The following JPH1 variants were observed in gnomAD, a reference collection of about 807,000 sequenced individuals.
The protein encoded by JPH1 is junctophilin-1.
In JPH1, 12 loss-of-function variants were observed where a neutral mutation model predicts 53.6. That is an observed-to-expected ratio of 0.22 (90% CI 0.14 to 0.36). JPH1 has a LOEUF of 0.36. Among genes scored for constraint, JPH1 ranks in the 10% least tolerant of loss-of-function variants. The pLI, the probability that JPH1 is intolerant of heterozygous loss-of-function variation, is 1.00. For synonymous variants in JPH1, 375 were observed against 363.8 expected, an observed-to-expected ratio of 1.03 and a Z score of -0.35; for missense variants, 808 against 905.5, an observed-to-expected ratio of 0.89 and a Z score of 1.38.
intron 2 of JPH1, among the ~76,000 whole-genome samples, chr8:74,301,930 G>T (rs1807694397): frequency 6.6e-6 from 1 of 152,072 alleles, no homozygotes; most frequent in Non-Finnish European, 1.5e-5. Flanking sequence ...CAGGGTACAT[G>T]GGTTCAAAAA....
At chr8:74,237,166 T>C in intron 5 of JPH1, 42 bp downstream of exon 5, 1 of 1,282,420 alleles carries the variant, frequency 7.8e-7, no homozygotes, top group Non-Finnish European at 1.1e-6. Flanking sequence ...GAAAAGAATG[T>C]TATTTACTAT....
intron 2 of JPH1, among the ~76,000 whole-genome samples, chr8:74,275,366 T>C (rs1418463893): frequency 6.6e-6 from 1 of 152,136 alleles, no homozygotes; most frequent in Non-Finnish European, 1.5e-5. Context: ...AATTACGCTT[T>C]GAATATCATG....
chr8:74,315,756 T>C lies in JPH1; in HGVS notation c.380-136A>G. 3 of 801,828 alleles carry C rather than the reference T, an allele frequency of 3.7e-6. No individual in the cohort carries two copies. Among genetic ancestry groups the C allele is most frequent in the Non-Finnish European group, 5.5e-6 (3 of 545,684 alleles). 49.7% of individuals were successfully genotyped at this position (801,828 alleles called of 1,614,324 possible). ...TCCAAGTCAACCCTGGGGGATACTT[T>C]GCATCCACTTGTGAATCCCCGCCCT... On this transcript the variant is annotated intron_variant, in intron 1 of 5. Coordinates refer to ENST00000342232, the MANE Select transcript of JPH1 (RefSeq NM_020647.4). The surrounding 1 kb of genome is among the most constrained non-coding windows in gnomAD (Gnocchi z 6.3).
At chr8:74,242,630 A>G (rs1045995148) in intron 4 of JPH1, among the ~76,000 whole-genome samples, 1 of 152,206 alleles carries the variant, frequency 6.6e-6, no homozygotes, top group African/African-American at 2.4e-5. Context: ...AACTCTGAGG[A>G]GTGGGGACGG....
chr8:74,279,978 T>C (rs1806962651), intron 2 of JPH1, among the ~76,000 whole-genome samples: 2 of 152,326 alleles, frequency 1.3e-5, no homozygotes, highest in South Asian at 4.1e-4. Flanking sequence ...AGTCTTCATA[T>C]TAAATTTGAA....
intron 2 of JPH1, among the ~76,000 whole-genome samples, chr8:74,295,265 T>C (rs528776313): frequency 6.6e-6 from 1 of 152,270 alleles, no homozygotes; most frequent in African/African-American, 2.4e-5. Context: ...CATGTATACA[T>C]TGATGATATA....
chr8:74,269,282 C>T (rs571066511), intron 2 of JPH1, among the ~76,000 whole-genome samples: 33 of 152,296 alleles, frequency 2.2e-4, no homozygotes, highest in African/African-American at 6.5e-4. Flanking sequence ...AAGGTCTATC[C>T]TTTCCAAGGT....
rs528356014 is a variant in JPH1, at chr8:74,303,744, C to T, written c.1139+11117G>A. ...GATTAAAGACGTGAGCCACTGTGCC[C>T]AGCCTGTGACTATTTAATCTGTCTC... On this transcript the variant is annotated intron_variant, in intron 2 of 5. Coordinates refer to ENST00000342232, the MANE Select transcript of JPH1 (RefSeq NM_020647.4). Among the ~76,000 whole-genome samples, 19 of 152,246 alleles carry T rather than the reference C, an allele frequency of 1.2e-4. No individual in the cohort carries two copies. In the South Asian group the frequency reaches 3.9e-3, roughly 32 times the overall value.
intron 2 of JPH1, among the ~76,000 whole-genome samples, chr8:74,290,645 G>A (rs1230103208): frequency 1.3e-5 from 2 of 152,092 alleles, no homozygotes; most frequent in African/African-American, 2.4e-5. Flanking sequence ...AAGTTCATAT[G>A]GAACCAAAAA....
rs533586464 is a variant in JPH1 at position 74,258,166 on chromosome 8, G to A, written c.1258+1219C>T. Among the ~76,000 whole-genome samples, 12 of 152,292 alleles carry A rather than the reference G, an allele frequency of 7.9e-5. No individual in the cohort carries two copies. The South Asian group carries it at 2.5e-3, about 32-fold the overall frequency. ...GAATCGAACACCTACCTCATGCAGG[G>A]TGCTGGGCTAGGGACAGGATGCTAG... On this transcript the variant is annotated intron_variant, in intron 3 of 5. Coordinates refer to ENST00000342232, the MANE Select transcript of JPH1 (RefSeq NM_020647.4).
rs183076537 is a variant in JPH1, at chr8:74,246,297, A to C, written c.1259-1122T>G. On this transcript the variant is annotated intron_variant, in intron 3 of 5. Coordinates refer to ENST00000342232, the MANE Select transcript of JPH1 (RefSeq NM_020647.4). ...GTTGACAGGCTCTTGTCAATTCCAC[A>C]ACACTGCATCTGTTCATTTTCCTTC... 2.3e-3 allele frequency among the ~76,000 whole-genome samples: 350 copies of C among 152,202 alleles called. 2 individuals are homozygous for C. The highest frequency in any genetic ancestry group is 3.1e-3 in the Non-Finnish European group (212 of 68,010).
intron 2 of JPH1, among the ~76,000 whole-genome samples, chr8:74,260,404 G>GA (rs1012131382): frequency 1.1e-4 from 17 of 152,170 alleles, no homozygotes; most frequent in Non-Finnish European, 2.1e-4. Context: ...TTGGAGGGAA[G>GA]AAAAAAACTC....
intron 2 of JPH1, among the ~76,000 whole-genome samples, chr8:74,270,101 T>A (rs1320193757): frequency 3.3e-5 from 5 of 152,184 alleles, no homozygotes; most frequent in Non-Finnish European, 5.9e-5. Context: ...TATTTTTTTT[T>A]AACGAGTTTC....
chr8:74,300,518 G>A (rs1181813056), intron 2 of JPH1, among the ~76,000 whole-genome samples: 2 of 152,182 alleles, frequency 1.3e-5, no homozygotes, highest in African/African-American at 2.4e-5. Context: ...TAACTGGTAA[G>A]TGAGTTGTGT....
chr8:74,288,393 A>C (rs973316911), intron 2 of JPH1, among the ~76,000 whole-genome samples: 2 of 152,206 alleles, frequency 1.3e-5, no homozygotes, highest in Non-Finnish European at 1.5e-5. Context: ...GCATGTCATC[A>C]GCAAGGAGTA....
intron 3 of JPH1, among the ~76,000 whole-genome samples, chr8:74,252,734 G>C (rs1421268625): frequency 6.6e-6 from 1 of 152,018 alleles, no homozygotes; most frequent in Non-Finnish European, 1.5e-5. Context: ...AACAAAGGCA[G>C]GGGTTGCAAT....
intron 2 of JPH1, among the ~76,000 whole-genome samples, chr8:74,294,336 A>G (rs1016981202): frequency 6.6e-6 from 1 of 152,184 alleles, no homozygotes; most frequent in African/African-American, 2.4e-5. Flanking sequence ...CTCGAGCTTC[A>G]TTTCTAAGTG....
chr8:74,283,206 T>C (rs1807061600), intron 2 of JPH1, among the ~76,000 whole-genome samples: 1 of 152,102 alleles, frequency 6.6e-6, no homozygotes, highest in Non-Finnish European at 1.5e-5. Context: ...AGAAAGTACA[T>C]ATAAATACAA....
chr8:74,303,606 C>T (rs1044536133), intron 2 of JPH1, among the ~76,000 whole-genome samples: 3 of 152,084 alleles, frequency 2.0e-5, no homozygotes, highest in African/African-American at 4.8e-5. Flanking sequence ...TTTTTAGAGA[C>T]AGGGTCTTGC....
Sources: allele counts gnomAD v4.1 joint callset (sites outside exome capture counted in the v4.1 genomes callset), GRCh38; gene constraint gnomAD v4.1.1; non-coding constraint Gnocchi (gnomAD v3.1); transcripts MANE v1.5; gene names NCBI Gene and HGNC (gene_info 2026-07-23, HGNC 2026-07-21).